The following CELF2 variants were observed in gnomAD, a reference collection of about 807,000 sequenced individuals.
CELF2 encodes CUGBP Elav-like family member 2, also known as CUG triplet repeat RNA-binding protein 2.
In CELF2, 8 loss-of-function variants were observed where a neutral mutation model predicts 62.6. That is an observed-to-expected ratio of 0.13 (90% CI 0.07 to 0.23). CELF2 has a LOEUF of 0.23. Ranked by LOEUF, CELF2 falls within the 10% of genes least tolerant of loss-of-function variation. The probability of loss-of-function intolerance (pLI) is 1.00; values close to 1 mark genes in which losing one functional copy is unlikely to be tolerated. For synonymous variants in CELF2, 258 were observed against 250.0 expected, an observed-to-expected ratio of 1.03 and a Z score of -0.30; for missense variants, 333 against 671.0, an observed-to-expected ratio of 0.50 and a Z score of 5.56.
chr10:10,724,337 TAC>T, the CELF2 span, among the ~76,000 whole-genome samples: 1 of 152,124 alleles, frequency 6.6e-6, no homozygotes, highest in Non-Finnish European at 1.5e-5. Flanking sequence ...GCTTTAAAAG[TAC>T]AAGATTAGGC....
intron 1 of CELF2, chr10:11,092,181 C>T (rs190355614): frequency 6.6e-5 from 10 of 152,188 alleles, no homozygotes; most frequent in African/African-American, 2.4e-4. Flanking sequence ...CACAGTCTAC[C>T]ACTGCCACCT....
the CELF2 span, among the ~76,000 whole-genome samples, chr10:10,672,022 G>C: frequency 6.6e-6 from 1 of 152,136 alleles, no homozygotes; most frequent in Non-Finnish European, 1.5e-5. Flanking sequence ...AAGCCACCGT[G>C]CCCAGCCTGT....
the CELF2 span, among the ~76,000 whole-genome samples, chr10:10,552,617 G>A: frequency 1.3e-5 from 2 of 152,282 alleles, no homozygotes; most frequent in East Asian, 1.9e-4. Flanking sequence ...TGTTTTTGTG[G>A]GGGGCGGTGT....
chr10:11,281,751 A>G (rs1402618635), intron 8 of CELF2, among the ~76,000 whole-genome samples: 2 of 152,220 alleles, frequency 1.3e-5, no homozygotes, highest in East Asian at 1.9e-4. Flanking sequence ...CTCAAAAAAT[A>G]TATATGTATG....
intron 1 of CELF2, among the ~76,000 whole-genome samples, chr10:10,857,649 G>GTTTATATATATATATATATATATATA (rs1554855649): frequency 1.1e-5 from 1 of 94,210 alleles, no homozygotes; most frequent in African/African-American, 4.7e-5. Flanking sequence ...CATATATATA[G>GTTTATATATATATATATATATATATA]TATATATATA....
chr10:10,583,379 A>G, the CELF2 span, among the ~76,000 whole-genome samples: 1 of 152,182 alleles, frequency 6.6e-6, no homozygotes, highest in African/African-American at 2.4e-5. Flanking sequence ...TACATTGTCC[A>G]TGAGCCCCAT....
chr10:11,247,041 G>C lies in CELF2; in HGVS notation c.355-2112G>C, dbSNP rs997380818. The stretch of plus-strand genomic sequence containing the variant: ...CCACCATCCCCACAACCAGCCAGTC[G>C]CCATGAAGTTCAGCCTCCACCAGTG... On this transcript the variant is annotated intron_variant, in intron 3 of 12. Transcript: ENST00000633077. The surrounding 1 kb of genome is among the most constrained non-coding windows in gnomAD (Gnocchi z 5.4). Among the ~76,000 whole-genome samples the C allele has an allele frequency of 1.3e-5, 2 of 152,160 alleles. No individual in the cohort carries two copies. The highest frequency in any genetic ancestry group is 4.8e-5 in the African/African-American group (2 of 41,422).
exon 1 of CELF2, chr10:10,798,720 C>A (rs937362600): frequency 2.5e-6 from 1 of 398,660 alleles, no homozygotes; most frequent in African/African-American, 2.1e-5. Flanking sequence ...GCACCCCATC[C>A]CCGCCTCCTC....
At chr10:10,874,470 T>C (rs527442290) in intron 1 of CELF2, among the ~76,000 whole-genome samples, 121 of 151,504 alleles carry the variant, frequency 8.0e-4, no homozygotes, top group African/African-American at 2.8e-3. Flanking sequence ...GATTATACTA[T>C]ACAGGGATGT....
chr10:10,767,062 C>A, the CELF2 span, among the ~76,000 whole-genome samples: 2 of 152,136 alleles, frequency 1.3e-5, no homozygotes, highest in Admixed American at 1.3e-4. Flanking sequence ...TTTCCTTCAT[C>A]GCCGTCTTTT....
intron 1 of CELF2, among the ~76,000 whole-genome samples, chr10:11,115,078 A>G (rs1164086231): frequency 6.6e-6 from 1 of 152,268 alleles, no homozygotes; most frequent in African/African-American, 2.4e-5. Context: ...TTGGCCCCAC[A>G]TAAATGTGTG....
the CELF2 span, among the ~76,000 whole-genome samples, chr10:10,475,807 G>T: frequency 2.0e-5 from 3 of 152,048 alleles, no homozygotes; most frequent in Non-Finnish European, 2.9e-5. Flanking sequence ...ACTCTCAATT[G>T]TGAGCAATTA....
chr10:10,569,152 A>G, the CELF2 span, among the ~76,000 whole-genome samples: 1 of 152,144 alleles, frequency 6.6e-6, no homozygotes, highest in Admixed American at 6.6e-5. Context: ...GGATTTGGTA[A>G]GTTTATCAGT....
chr10:10,787,577 G>A, the CELF2 span, among the ~76,000 whole-genome samples: 107 of 152,272 alleles, frequency 7.0e-4, 1 homozygote, highest in African/African-American at 2.3e-3. Context: ...GAAGACACCC[G>A]AAGGCAGAGG....
the CELF2 span, among the ~76,000 whole-genome samples, chr10:10,787,036 T>C: frequency 2.0e-5 from 3 of 152,208 alleles, no homozygotes; most frequent in Admixed American, 6.5e-5. Context: ...ACCCACTTCA[T>C]GGACAATCTC....
chr10:10,610,288 A>G, the CELF2 span, among the ~76,000 whole-genome samples: 1 of 152,238 alleles, frequency 6.6e-6, no homozygotes, highest in African/African-American at 2.4e-5. Flanking sequence ...TATTCATGGT[A>G]TGAAGAATTA....
At chr10:10,917,843 A>C (rs1434905780) in intron 1 of CELF2, 1 of 152,250 alleles carries the variant, frequency 6.6e-6, no homozygotes, top group African/African-American at 2.4e-5. Context: ...TGCTCAAAAT[A>C]ATGTCAAGTT....
At chr10:10,982,981 A>G (rs1229963533) in intron 2 of CELF2, among the ~76,000 whole-genome samples, 1 of 151,870 alleles carries the variant, frequency 6.6e-6, no homozygotes, top group Non-Finnish European at 1.5e-5. Context: ...GTCAAAAAGG[A>G]TGTTGTCAAG....
Position 11,110,414 on chromosome 10 carries a change from G to A in CELF2, c.75-55072G>A, listed in dbSNP as rs534692895. Among the ~76,000 whole-genome samples the A allele has an allele frequency of 4.1e-4, 62 of 152,328 alleles. No homozygotes were observed. The highest frequency in any genetic ancestry group is 1.4e-3 in the African/African-American group (57 of 41,574). Reference sequence around the variant, plus strand: ...ATGTGAAACGATGAAGTTTTAGGAAGCCATCTAACGCTTAGTACTTCTTTT... The same window carrying A: ...ATGTGAAACGATGAAGTTTTAGGAAACCATCTAACGCTTAGTACTTCTTTT... On this transcript the variant is annotated intron_variant, in intron 1 of 12. Coordinates refer to ENST00000633077, the MANE Select transcript of CELF2 (RefSeq NM_001326342.2). This position sits in a 1 kb window ranked among gnomAD's most constrained non-coding sequence, Gnocchi z 4.0.
Sources: gnomAD v4.1 joint callset for allele counts (sites outside exome capture counted in the v4.1 genomes callset) on GRCh38, gnomAD v4.1.1 for gene constraint, Gnocchi (gnomAD v3.1) non-coding constraint, MANE v1.5 for transcripts, NCBI Gene and HGNC (gene_info 2026-07-23, HGNC 2026-07-21) for gene names.